DMD: variants seen among roughly 807,000 people sequenced by gnomAD.
DMD encodes the protein dystrophin, also known as mutant dystrophin.
DMD carries 63 observed loss-of-function variants against 330.1 expected under a neutral mutation model. The ratio of observed to expected loss-of-function variants is 0.19; its 90% CI spans 0.16 to 0.24. The LOEUF (loss-of-function observed/expected upper bound fraction) is 0.24, where lower values mean the gene tolerates loss of function less well. Among genes scored for constraint, DMD ranks in the 10% least tolerant of loss-of-function variants. The pLI is 1.00. For missense variants in DMD, 3,344 were observed against 2,684.1 expected, an observed-to-expected ratio of 1.25 and a Z score of -5.43; for synonymous variants, 1,223 against 959.8, an observed-to-expected ratio of 1.27 and a Z score of -5.07.
At chrX:31,394,961 G>T (rs761241777) in intron 60 of DMD, among the ~76,000 whole-genome samples, 5 of 109,614 alleles carry the variant, frequency 4.6e-5, no homozygotes, top group Non-Finnish European at 9.5e-5. Context: ...GAGAGAGAGA[G>T]ACCAAGTGTG....
intron 45 of DMD, among the ~76,000 whole-genome samples, chrX:31,936,473 ATGT>A (rs1465136441): frequency 1.8e-5 from 2 of 111,742 alleles, no homozygotes; most frequent in East Asian, 5.6e-4. Context: ...AAAGTTGAAA[ATGT>A]TGTATGTGTG....
chrX:32,483,237 G>A (rs1374763390), intron 21 of DMD, among the ~76,000 whole-genome samples: 1 of 97,627 alleles, frequency 1.0e-5, no homozygotes, highest in Non-Finnish European at 2.1e-5. Context: ...TAAAATTAAA[G>A]ATGTGTAGCT....
At chrX:33,018,205 T>G (rs1167841781) in intron 2 of DMD, among the ~76,000 whole-genome samples, 1 of 111,966 alleles carries the variant, frequency 8.9e-6, no homozygotes, top group Non-Finnish European at 1.9e-5. Context: ...ACCTAGGATA[T>G]GCTTGATAAT....
intron 1 of DMD, among the ~76,000 whole-genome samples, chrX:33,031,094 C>T (rs5972738): frequency 0.31 from 33,637 of 109,761 alleles, 4,044 homozygotes; most frequent in Middle Eastern, 0.36. Flanking sequence ...CTGAGTTCAC[C>T]TATAACTATA....
intron 60 of DMD, among the ~76,000 whole-genome samples, chrX:31,374,879 AC>A (rs2059805261): frequency 9.0e-6 from 1 of 111,655 alleles, no homozygotes; most frequent in African/African-American, 3.3e-5. Flanking sequence ...TGTAGTAGAC[AC>A]CGTGGCGCTC....
intron 70 of DMD, 120 bp from the exon 71 acceptor site, chrX:31,178,090 A>G (rs1268673226): frequency 9.3e-6 from 10 of 1,077,220 alleles, no homozygotes; most frequent in Non-Finnish European, 1.3e-5. Context: ...GGAAAGCAAT[A>G]GCCAAACCAA....
chrX:32,309,562 GC>G (rs1197968733), intron 42 of DMD, among the ~76,000 whole-genome samples: 1 of 110,860 alleles, frequency 9.0e-6, no homozygotes, highest in African/African-American at 3.3e-5. Flanking sequence ...TTTGTTGGTA[GC>G]CTTTAACTGG....
intron 50 of DMD, among the ~76,000 whole-genome samples, chrX:31,808,374 TC>T (rs767657176): frequency 1.8e-5 from 2 of 111,986 alleles, no homozygotes; most frequent in Non-Finnish European, 3.8e-5. Flanking sequence ...ATTCAAATGT[TC>T]CTTGGAGTCA....
At chrX:32,903,144 CAAAAAAAAAAAA>C (rs34973696) in intron 2 of DMD, among the ~76,000 whole-genome samples, 2 of 32,990 alleles carry the variant, frequency 6.1e-5, no homozygotes, top group Non-Finnish European at 9.6e-5. Context: ...GACTCAGTCT[CAAAAAAAAAAAA>C]AAAAAAAAAG....
intron 8 of DMD, 42 bp downstream of exon 8, chrX:32,699,070 C>T (rs763327428): frequency 6.1e-6 from 7 of 1,143,578 alleles, no homozygotes; most frequent in Admixed American, 2.2e-5. Context: ...GCATATAAAA[C>T]AGAAAACATC....
chrX:32,215,600 A>G (rs191142018), intron 44 of DMD, among the ~76,000 whole-genome samples: 3 of 111,733 alleles, frequency 2.7e-5, no homozygotes, highest in Admixed American at 1.9e-4. Context: ...CTAATTTGAT[A>G]ATAAAATATA....
At chrX:32,054,595 G>C (rs1427197467) in intron 44 of DMD, among the ~76,000 whole-genome samples, 1 of 108,493 alleles carries the variant, frequency 9.2e-6, no homozygotes, top group Non-Finnish European at 1.9e-5. Context: ...CCTCAAGTAA[G>C]CCATAACAAG....
chrX:31,220,546 C>T (rs2045898430), intron 64 of DMD, among the ~76,000 whole-genome samples: 1 of 111,735 alleles, frequency 8.9e-6, no homozygotes, highest in South Asian at 3.8e-4. Flanking sequence ...CCTGGCCATT[C>T]CTTTGCAGTC....
intron 1 of DMD, among the ~76,000 whole-genome samples, chrX:33,043,449 C>T (rs1341128580): frequency 1.8e-5 from 2 of 111,063 alleles, no homozygotes; most frequent in East Asian, 5.7e-4. Context: ...TTCCAGCCTT[C>T]CAGTTACCAC....
intron 2 of DMD, among the ~76,000 whole-genome samples, chrX:33,010,208 GTGTATATGTA>G (rs2093664073): frequency 1.1e-5 from 1 of 93,428 alleles, no homozygotes; most frequent in African/African-American, 5.2e-5. Flanking sequence ...GCATATGTGT[GTGTATATGTA>G]CATATGTGTG....
At chrX:32,383,329 A>G (rs2097937702) in intron 33 of DMD, among the ~76,000 whole-genome samples, 2 of 111,165 alleles carry the variant, frequency 1.8e-5, no homozygotes, top group African/African-American at 6.5e-5. Context: ...GGTAATGCAT[A>G]CTCAATTGTG....
At chrX:32,591,758 C>A (rs759993796) in intron 13 of DMD, among the ~76,000 whole-genome samples, 12 of 112,832 alleles carry the variant, frequency 1.1e-4, no homozygotes, top group African/African-American at 2.9e-4. Context: ...CTTCCAGGTG[C>A]AGCTGCAGCC....
chrX:32,561,331 G>A (rs2050978627), intron 16 of DMD, among the ~76,000 whole-genome samples: 1 of 111,213 alleles, frequency 9.0e-6, no homozygotes, highest in Non-Finnish European at 1.9e-5. Context: ...ATAGAGCTGA[G>A]AAACGCAATA....
chrX:33,185,122 A>T (rs2148760274), intron 1 of DMD, among the ~76,000 whole-genome samples: 1 of 111,158 alleles, frequency 9.0e-6, no homozygotes, highest in Admixed American at 9.7e-5. Context: ...TGCCAAAAAT[A>T]ATCTATTGTA....
Sources: gnomAD v4.1 joint callset for allele counts (sites outside exome capture counted in the v4.1 genomes callset) on GRCh38, gnomAD v4.1.1 for gene constraint, MANE v1.5 for transcripts, NCBI Gene and HGNC (gene_info 2026-07-23, HGNC 2026-07-21) for gene names.